The following MANBA variants were observed in gnomAD, a reference collection of about 807,000 sequenced individuals.
The protein encoded by MANBA is beta-mannosidase.
MANBA carries 83 observed loss-of-function variants against 111.1 expected under a neutral mutation model. That is an observed-to-expected ratio of 0.75 (90% confidence interval 0.63 to 0.90). MANBA has a LOEUF of 0.90. Ranked by LOEUF, MANBA falls within the 40% of genes least tolerant of loss-of-function variation. The pLI is 0.00. For synonymous variants in MANBA, 370 were observed against 378.7 expected (o/e 0.98, Z 0.27); for missense variants, 1,036 against 1,069.0 (o/e 0.97, Z 0.43).
At position 102,632,029 on chromosome 4, in the gene MANBA, G is replaced by A. The variant is rs773392036; in HGVS notation, c.*28C>T. 42 of 1,522,466 alleles carry A rather than the reference G, an allele frequency of 2.8e-5. No homozygotes were observed. The highest frequency in any genetic ancestry group is 2.3e-4 in the Middle Eastern group (1 of 4,290). 94.3% of individuals were successfully genotyped at this position (1,522,466 alleles called of 1,614,324 possible). A position where few individuals can be genotyped will look rare whatever the true frequency, so the allele number is the denominator to read the frequency against. ...GCTTTAGAAATGCTTTATTCCCATT[G>A]TCCACTGAAAATACAACCTAGATTC... is the stretch of plus-strand genomic sequence containing the variant. On this transcript the variant is annotated 3_prime_UTR_variant, in exon 17 of 17. Transcript: ENST00000647097.
intron 7 of MANBA, among the ~76,000 whole-genome samples, chr4:102,689,076 G>A (rs925936828): frequency 7.2e-5 from 11 of 152,110 alleles, no homozygotes; most frequent in African/African-American, 2.4e-4. Flanking sequence ...AAGGCCGGGC[G>A]CAGTGGCTCA....
At chr4:102,652,613 G>A (rs538180101) in intron 12 of MANBA, among the ~76,000 whole-genome samples, 3 of 152,196 alleles carry the variant, frequency 2.0e-5, no homozygotes, top group South Asian at 2.1e-4. Context: ...AAACCCGGCC[G>A]GATGCAGTGT....
chr4:102,640,558 G>A (rs182725523), intron 13 of MANBA, among the ~76,000 whole-genome samples: 311 of 152,258 alleles, frequency 2.0e-3, no homozygotes, highest in African/African-American at 7.3e-3. Context: ...TGCCGTTACC[G>A]ACACATATGA....
intron 12 of MANBA, among the ~76,000 whole-genome samples, chr4:102,655,877 C>T (rs1283330592): frequency 6.6e-6 from 1 of 152,098 alleles, no homozygotes; most frequent in East Asian, 1.9e-4. Flanking sequence ...AAAATATTTG[C>T]AAATCATATA....
intron 5 of MANBA, among the ~76,000 whole-genome samples, chr4:102,708,351 C>T (rs888503920): frequency 3.9e-5 from 6 of 151,960 alleles, no homozygotes; most frequent in African/African-American, 1.2e-4. Flanking sequence ...ACAAGAGGAA[C>T]TTTGAAACCT....
intron 1 of MANBA, among the ~76,000 whole-genome samples, chr4:102,739,182 T>G (rs1422954087): frequency 1.3e-5 from 2 of 152,152 alleles, no homozygotes; most frequent in Non-Finnish European, 2.9e-5. Context: ...CATCTTTATG[T>G]GCACAAACTA....
chr4:102,664,339 T>G (rs1027698642), intron 11 of MANBA, among the ~76,000 whole-genome samples: 1 of 149,318 alleles, frequency 6.7e-6, no homozygotes, highest in African/African-American at 2.5e-5. Context: ...CTTATCCACT[T>G]TAAACATACA....
intron 10 of MANBA, chr4:102,665,317 G>A: frequency 5.3e-6 from 1 of 188,132 alleles, no homozygotes; most frequent in Non-Finnish European, 1.1e-5. Context: ...AAGGACGGAG[G>A]TTCCTATGCA....
chr4:102,731,738 G>T (rs1723041510), intron 1 of MANBA, among the ~76,000 whole-genome samples: 2 of 151,950 alleles, frequency 1.3e-5, no homozygotes, highest in Non-Finnish European at 2.9e-5. Context: ...GGCCCTCGAG[G>T]TCTAAAATAT....
intron 1 of MANBA, among the ~76,000 whole-genome samples, chr4:102,760,028 A>G (rs1391756750): frequency 2.6e-5 from 4 of 152,192 alleles, no homozygotes; most frequent in Admixed American, 2.6e-4. Flanking sequence ...CTATGCGCAC[A>G]GGCAGCCAAA....
intron 6 of MANBA, among the ~76,000 whole-genome samples, chr4:102,690,313 C>T (rs1162822789): frequency 1.3e-5 from 2 of 151,784 alleles, no homozygotes; most frequent in Non-Finnish European, 2.9e-5. Context: ...TAGGATACTA[C>T]AAATACTACA....
chr4:102,713,279 T>C (rs1179600674), intron 5 of MANBA, among the ~76,000 whole-genome samples: 2 of 152,194 alleles, frequency 1.3e-5, no homozygotes, highest in African/African-American at 4.8e-5. Context: ...CACGCTCTCA[T>C]TTAAGATCTC....
At position 102,635,961 on chromosome 4, in the gene MANBA, G is replaced by T; in HGVS notation, c.2061C>A (p.Phe687Leu). The T allele has an allele frequency of 6.2e-7, 1 of 1,613,442 alleles. No individual in the cohort carries two copies. Among genetic ancestry groups the T allele is most frequent in the Non-Finnish European group, 8.5e-7 (1 of 1,179,370 alleles). The change falls in exon 15 of 17, where the codon TTC (phenylalanine) becomes TTA (leucine). Residue 687 changes from phenylalanine to leucine, a missense_variant. Transcript: ENST00000647097. ...AGCCTACTGGCAACAGTGGAGCAAAGAAATTCTGAGCAAAGTAATGAAGCA... is the reference window on the plus strand; with the variant it reads ...AGCCTACTGGCAACAGTGGAGCAAATAAATTCTGAGCAAAGTAATGAAGCA... ...WKMLHYFAQN[F>L]FAPLLPVGFE...
intron 15 of MANBA, 37 bp from the exon 16 acceptor site, chr4:102,635,082 T>C: frequency 6.2e-7 from 1 of 1,610,158 alleles, no homozygotes; most frequent in Admixed American, 1.7e-5. Flanking sequence ...ACAGGCATTC[T>C]TGGTTGCTAT....
At chr4:102,654,791 CTCGTCT>C (rs1328093242) in intron 12 of MANBA, among the ~76,000 whole-genome samples, 1 of 152,126 alleles carries the variant, frequency 6.6e-6, no homozygotes, top group African/African-American at 2.4e-5. Context: ...TCAAGGATAT[CTCGTCT>C]TCCCACTCAT....
At chr4:102,645,751 T>A (rs1055246992) in intron 13 of MANBA, among the ~76,000 whole-genome samples, 2 of 152,118 alleles carry the variant, frequency 1.3e-5, no homozygotes, top group African/African-American at 4.8e-5. Flanking sequence ...ACTTAGTAAT[T>A]CAAGTGTCCT....
intron 5 of MANBA, among the ~76,000 whole-genome samples, chr4:102,695,137 A>G (rs1732650494): frequency 6.6e-6 from 1 of 152,196 alleles, no homozygotes; most frequent in South Asian, 2.1e-4. Context: ...GAGTATCACA[A>G]GACAACTCTA....
At chr4:102,728,930 G>A in intron 1 of MANBA, 1 of 756,382 alleles carries the variant, frequency 1.3e-6, no homozygotes, top group Admixed American at 1.7e-5. Flanking sequence ...ACCACTGGTG[G>A]TCTTTGTATG....
At chr4:102,758,070 C>G (rs1169083928) in intron 1 of MANBA, among the ~76,000 whole-genome samples, 1 of 152,188 alleles carries the variant, frequency 6.6e-6, no homozygotes. Flanking sequence ...TTAGAAGTCA[C>G]CTTATCAAAA....
Sources: allele counts gnomAD v4.1 joint callset (sites outside exome capture counted in the v4.1 genomes callset), GRCh38; gene constraint gnomAD v4.1.1; transcripts MANE v1.5; gene names NCBI Gene and HGNC (gene_info 2026-07-23, HGNC 2026-07-21).